The following C1orf87 variants were observed in gnomAD, a reference collection of about 807,000 sequenced individuals.
C1orf87 encodes uncharacterized protein C1orf87.
C1orf87 carries 58 observed loss-of-function variants against 60.5 expected under a neutral mutation model. The ratio of observed to expected loss-of-function variants is 0.96; its 90% CI spans 0.78 to 1.19. The LOEUF is 1.19. C1orf87 is among the 50% of genes most tolerant of loss of function. C1orf87 has a pLI of 0.00. For missense variants in C1orf87, 673 were observed against 638.6 expected (o/e 1.05, Z -0.58); for synonymous variants, 236 against 227.4 (o/e 1.04, Z -0.34).
chr1:60,019,920 G>A (rs1270384526), intron 8 of C1orf87, among the ~76,000 whole-genome samples: 1 of 152,122 alleles, frequency 6.6e-6, no homozygotes, highest in Non-Finnish European at 1.5e-5. Context: ...GTCTAAAATT[G>A]CAATTTATGT....
chr1:60,037,077 C>A (rs146500606), intron 6 of C1orf87, among the ~76,000 whole-genome samples: 1 of 152,094 alleles, frequency 6.6e-6, no homozygotes, highest in African/African-American at 2.4e-5. Flanking sequence ...TGTTGGCCTG[C>A]GCACAAAAAA....
intron 2 of C1orf87, among the ~76,000 whole-genome samples, chr1:60,067,813 A>G (rs1305968695): frequency 6.6e-6 from 1 of 151,860 alleles, no homozygotes; most frequent in African/African-American, 2.4e-5. Context: ...TCTGTTCTGA[A>G]GGGTATTGCC....
At chr1:60,012,327 T>G (rs1213255666) in intron 8 of C1orf87, among the ~76,000 whole-genome samples, 1 of 152,142 alleles carries the variant, frequency 6.6e-6, no homozygotes, top group Non-Finnish European at 1.5e-5. Context: ...ATAACGCCTC[T>G]GGATAAAATG....
chr1:60,060,764 T>TA (rs938032238), intron 2 of C1orf87, among the ~76,000 whole-genome samples: 6 of 151,090 alleles, frequency 4.0e-5, no homozygotes, highest in South Asian at 2.1e-4. Flanking sequence ...TAATTGTGAT[T>TA]AAAAAAAAAC....
intron 7 of C1orf87, among the ~76,000 whole-genome samples, chr1:60,032,080 G>A (rs1180906831): frequency 6.6e-6 from 1 of 151,994 alleles, no homozygotes; most frequent in African/African-American, 2.4e-5. Context: ...AAATGCTTTT[G>A]TCCTAGAATA....
chr1:60,046,459 T>A (rs113921227), intron 3 of C1orf87, among the ~76,000 whole-genome samples: 60 of 104,508 alleles, frequency 5.7e-4, no homozygotes, highest in African/African-American at 2.0e-3. Context: ...TTTTTTTTTT[T>A]AATTTTTTCT....
chr1:60,055,553 G>T, intron 2 of C1orf87, 115 bp from the exon 3 acceptor site: 1 of 791,748 alleles, frequency 1.3e-6, no homozygotes, highest in Non-Finnish European at 2.1e-6. Flanking sequence ...TCAGCACAGT[G>T]GAATGTGGAA....
intron 2 of C1orf87, among the ~76,000 whole-genome samples, chr1:60,060,399 C>T (rs1645487486): frequency 6.6e-6 from 1 of 152,042 alleles, no homozygotes; most frequent in African/African-American, 2.4e-5. Context: ...CCTGGTGTTC[C>T]TCCACCAGAC....
In C1orf87 at chr1:60,041,036, G is replaced by GTC; in HGVS notation, c.436_437dup (p.Asp146GlufsTer9). On this transcript the variant is annotated frameshift_variant, in exon 4 of 12. Coordinates refer to ENST00000371201, the MANE Select transcript of C1orf87 (RefSeq NM_152377.3). LOFTEE classifies it high-confidence loss of function. ...CTCTCACCATCTGTTCCAAGGACCA[G>GTC]TCTCTAAGCTTTCTCCTGGGAATGC... 1 of 1,613,576 alleles carries GTC rather than the reference G, an allele frequency of 6.2e-7. No individual in the cohort carries two copies. The highest frequency in any genetic ancestry group is 1.1e-5 in the South Asian group (1 of 91,016).
chr1:60,060,103 T>A (rs1645485067), intron 2 of C1orf87, among the ~76,000 whole-genome samples: 1 of 150,932 alleles, frequency 6.6e-6, no homozygotes, highest in African/African-American at 2.4e-5. Context: ...TTTTTTTTTT[T>A]ATGTCATGGA....
At chr1:60,021,138 C>A (rs1273465143) in intron 8 of C1orf87, among the ~76,000 whole-genome samples, 1 of 152,144 alleles carries the variant, frequency 6.6e-6, no homozygotes, top group Non-Finnish European at 1.5e-5. Context: ...GGCCTCCCAG[C>A]CATGCTTACT....
At chr1:60,009,247 G>C (rs1200503594) in intron 9 of C1orf87, among the ~76,000 whole-genome samples, 1 of 152,000 alleles carries the variant, frequency 6.6e-6, no homozygotes, top group Admixed American at 6.6e-5. Context: ...AAAGAAGAAG[G>C]CCTTGTGAAA....
chr1:59,995,841 A>G (rs1474026141), intron 11 of C1orf87, among the ~76,000 whole-genome samples: 2 of 152,134 alleles, frequency 1.3e-5, no homozygotes, highest in Non-Finnish European at 2.9e-5. Flanking sequence ...TTCATTTGTA[A>G]TACTTAATGC....
intron 11 of C1orf87, among the ~76,000 whole-genome samples, chr1:59,996,481 T>A (rs1644964486): frequency 6.6e-6 from 1 of 152,198 alleles, no homozygotes; most frequent in Non-Finnish European, 1.5e-5. Flanking sequence ...CGTGCTCTCA[T>A]TATCTTTGAA....
At chr1:60,055,895 GA>G (rs147776737) in intron 2 of C1orf87, among the ~76,000 whole-genome samples, 148 of 147,044 alleles carry the variant, frequency 1.0e-3, no homozygotes, top group African/African-American at 3.4e-3. Flanking sequence ...TTAGAGAAAA[GA>G]AAAAAAAAAC....
intron 11 of C1orf87, 26 bp from the exon 12 acceptor site, chr1:59,990,859 G>A: frequency 6.2e-7 from 1 of 1,607,650 alleles, no homozygotes; most frequent in Non-Finnish European, 8.5e-7. Flanking sequence ...GTAGGAGGAA[G>A]GTTTTTTAAA....
intron 8 of C1orf87, among the ~76,000 whole-genome samples, chr1:60,023,905 A>G (rs1197812497): frequency 6.6e-6 from 1 of 152,122 alleles, no homozygotes; most frequent in Non-Finnish European, 1.5e-5. Context: ...AGTGTTTTTC[A>G]CATTATTACA....
intron 7 of C1orf87, 40 bp from the exon 8 acceptor site, chr1:60,025,538 C>G (rs1252511012): frequency 2.8e-6 from 4 of 1,437,186 alleles, no homozygotes; most frequent in Non-Finnish European, 3.8e-6. Flanking sequence ...TGATGTTTCA[C>G]TAGGATACAA....
chr1:60,007,944 T>C (rs1266978462), intron 9 of C1orf87, among the ~76,000 whole-genome samples: 2 of 152,052 alleles, frequency 1.3e-5, no homozygotes, highest in Non-Finnish European at 2.9e-5. Context: ...AGGAGTATCT[T>C]TTTTAAGTTT....
Sources: gnomAD v4.1 joint callset for allele counts (sites outside exome capture counted in the v4.1 genomes callset) on GRCh38, gnomAD v4.1.1 for gene constraint, MANE v1.5 for transcripts, NCBI Gene and HGNC (gene_info 2026-07-23, HGNC 2026-07-21) for gene names.